The following NCKAP1 variants were observed in gnomAD, a reference collection of about 807,000 sequenced individuals.
NCKAP1 encodes NCK associated protein 1.
In NCKAP1, 21 loss-of-function variants were observed where a neutral mutation model predicts 151.2. The observed-to-expected ratio is 0.14, with a 90% CI of 0.10 to 0.20. NCKAP1 has a LOEUF of 0.20. Among genes scored for constraint, NCKAP1 ranks in the 10% least tolerant of loss-of-function variants. The pLI, the probability that NCKAP1 is intolerant of heterozygous loss-of-function variation, is 1.00. For synonymous variants in NCKAP1, 484 were observed against 451.8 expected, an observed-to-expected ratio of 1.07 and a Z score of -0.90; for missense variants, 933 against 1,352.1, an observed-to-expected ratio of 0.69 and a Z score of 4.86.
chr2:182,956,782 G>A, intron 19 of NCKAP1, 189 bp from the exon 20 acceptor site: 1 of 522,996 alleles, frequency 1.9e-6, no homozygotes, highest in Non-Finnish European at 3.2e-6. Flanking sequence ...TCTAAAGATG[G>A]CGTCATTTGT....
At chr2:182,986,131 T>A in intron 10 of NCKAP1, 40 bp downstream of exon 10, 1 of 1,586,630 alleles carries the variant, frequency 6.3e-7, no homozygotes. Context: ...TAAGAATTTT[T>A]CTTGATTAAA....
intron 6 of NCKAP1, among the ~76,000 whole-genome samples, chr2:182,996,650 G>T (rs1698275921): frequency 6.6e-6 from 1 of 152,166 alleles, no homozygotes; most frequent in Non-Finnish European, 1.5e-5. Context: ...TAGAGACGGG[G>T]TTTCACCGTG....
chr2:182,917,356 G>C lies in NCKAP1; in HGVS notation c.*8346C>G, dbSNP rs1481911393. On this transcript the variant is annotated 3_prime_UTR_variant, in exon 31 of 31. Coordinates refer to ENST00000361354, the MANE Select transcript of NCKAP1 (RefSeq NM_013436.5). ...GAAGACTATTACTGCATAAACATAA[G>C]ATCAGCATATATGCGGCAACACAGC... 6.6e-6 allele frequency: 1 copy of C among 152,134 alleles called. No individual in the cohort carries two copies. Among genetic ancestry groups the C allele is most frequent in the Non-Finnish European group, 1.5e-5 (1 of 68,032 alleles). The allele number at this position is 152,134 out of a possible 1,614,324, so 9.4% of individuals were successfully genotyped here. A position where few individuals can be genotyped will look rare whatever the true frequency, so the allele number is the denominator to read the frequency against.
intron 2 of NCKAP1, among the ~76,000 whole-genome samples, chr2:183,012,492 G>A (rs967258764): frequency 3.9e-5 from 6 of 152,164 alleles, no homozygotes; most frequent in Admixed American, 1.3e-4. Flanking sequence ...ACAAAGTGAG[G>A]TGGCATCACT....
At position 182,979,901 on chromosome 2, in the gene NCKAP1, G is replaced by T. The variant is rs967557326; in HGVS notation, c.1342-986C>A. 3.9e-5 allele frequency among the ~76,000 whole-genome samples: 6 copies of T among 152,088 alleles called. No individual in the cohort carries two copies. The South Asian group carries it at 1.2e-3, about 32-fold the overall frequency. On this transcript the variant is annotated intron_variant, in intron 13 of 30. Coordinates refer to ENST00000361354, the MANE Select transcript of NCKAP1 (RefSeq NM_013436.5). ...TCTCACAGAGGTTTTCTACAGATTT[G>T]GTAAGATACACTATCAATAAATCTG...
intron 8 of NCKAP1, 63 bp from the exon 9 acceptor site, chr2:182,989,249 G>A (rs1698119211): frequency 2.9e-6 from 4 of 1,382,848 alleles, no homozygotes; most frequent in Non-Finnish European, 3.9e-6. Context: ...TTTGGTGACA[G>A]TGTAGCTTTT....
At chr2:182,980,276 A>G (rs554075105) in intron 13 of NCKAP1, among the ~76,000 whole-genome samples, 2 of 152,164 alleles carry the variant, frequency 1.3e-5, no homozygotes, top group South Asian at 4.1e-4. Context: ...AGTTTAGAAT[A>G]CTAGCTTGTA....
intron 17 of NCKAP1, among the ~76,000 whole-genome samples, 174 bp downstream of exon 17, chr2:182,964,502 T>C (rs1022624061): frequency 6.6e-6 from 1 of 152,172 alleles, no homozygotes; most frequent in African/African-American, 2.4e-5. Context: ...TGTTTATTTA[T>C]CTATATATAT....
chr2:183,002,998 G>A lies in NCKAP1; in HGVS notation c.345C>T (p.Asp115=), dbSNP rs765697811. 4.4e-6 allele frequency: 7 copies of A among 1,608,442 alleles called. No homozygotes were observed. The highest frequency in any genetic ancestry group is 1.7e-5 in the Admixed American group (1 of 59,754). Residue 115 remains aspartate, a synonymous_variant, in exon 4 of 31, where the codon GAC becomes GAT. Transcript: ENST00000361354. Reference sequence around the variant, plus strand: ...CAATATCAAAGAAGACTTGGCAAACGTCAATAGTATTCAGCAATTCACAAA... The same window carrying A: ...CAATATCAAAGAAGACTTGGCAAACATCAATAGTATTCAGCAATTCACAAA... ...DHVCELLNTI[D]VCQVFFDITV...
At position 183,038,130 on chromosome 2, in the gene NCKAP1, C is replaced by G; in HGVS notation, c.-31G>C. 1 of 1,492,508 alleles carries G rather than the reference C, an allele frequency of 6.7e-7. No homozygotes were observed. 92.5% of individuals were successfully genotyped at this position (1,492,508 alleles called of 1,614,324 possible). On this transcript the variant is annotated 5_prime_UTR_variant, in exon 1 of 31. Transcript: ENST00000361354. ...TGCTGGTGCCGCCGCCGCCGCCGGCCGCCTCGCGCCCAGTCACGGGCCCGC... is the reference window on the plus strand; with the variant it reads ...TGCTGGTGCCGCCGCCGCCGCCGGCGGCCTCGCGCCCAGTCACGGGCCCGC...
intron 1 of NCKAP1, among the ~76,000 whole-genome samples, chr2:183,030,423 G>GA (rs1474525473): frequency 6.6e-6 from 1 of 152,036 alleles, no homozygotes; most frequent in East Asian, 1.9e-4. Flanking sequence ...ACAATAATTG[G>GA]AAAAATGCCA....
At chr2:183,005,578 T>C (rs1223708223) in intron 2 of NCKAP1, among the ~76,000 whole-genome samples, 1 of 152,092 alleles carries the variant, frequency 6.6e-6, no homozygotes, top group Non-Finnish European at 1.5e-5. Flanking sequence ...TAGGCTACAT[T>C]TCTCATTCAA....
chr2:182,923,434 G>C lies in NCKAP1; in HGVS notation c.*2268C>G, dbSNP rs1696583801. ...ATGATAGGTGTGCACCATCATACCT[G>C]GGTAATTTTTGTATTTTTAGTAGTG... On this transcript the variant is annotated 3_prime_UTR_variant, in exon 31 of 31. Coordinates refer to ENST00000361354, the MANE Select transcript of NCKAP1 (RefSeq NM_013436.5). 1 of 152,042 alleles carries C rather than the reference G, an allele frequency of 6.6e-6. No homozygotes were observed. The highest frequency in any genetic ancestry group is 6.6e-5 in the Admixed American group (1 of 15,260). The allele number at this position is 152,042 out of a possible 1,614,324, so 9.4% of individuals were successfully genotyped here. A position where few individuals can be genotyped will look rare whatever the true frequency, so the allele number is the denominator to read the frequency against.
chr2:183,029,285 C>T (rs1698959774), intron 1 of NCKAP1, among the ~76,000 whole-genome samples: 1 of 152,092 alleles, frequency 6.6e-6, no homozygotes, highest in African/African-American at 2.4e-5. Flanking sequence ...TTAGAAACAT[C>T]AAGCCTAGAC....
chr2:182,983,084 G>A (rs1263229146), intron 11 of NCKAP1, among the ~76,000 whole-genome samples, 157 bp from the exon 12 acceptor site: 2 of 152,178 alleles, frequency 1.3e-5, no homozygotes, highest in African/African-American at 4.8e-5. Context: ...CTGTAAGTAT[G>A]TATGAGAGAG....
At chr2:182,927,213 A>G (rs1449268719) in intron 29 of NCKAP1, 2 of 231,504 alleles carry the variant, frequency 8.6e-6, no homozygotes, top group Non-Finnish European at 8.3e-6. Context: ...CCATCCCATT[A>G]TCTATACTGA....
At chr2:182,976,406 T>G (rs1274450691) in intron 15 of NCKAP1, among the ~76,000 whole-genome samples, 1 of 152,224 alleles carries the variant, frequency 6.6e-6, no homozygotes, top group African/African-American at 2.4e-5. Context: ...TATAAATAGT[T>G]TTACTGGAAT....
chr2:182,957,966 T>C (rs1370018326), intron 18 of NCKAP1, among the ~76,000 whole-genome samples: 2 of 152,176 alleles, frequency 1.3e-5, no homozygotes, highest in Admixed American at 1.3e-4. Context: ...TGTAAAGATA[T>C]GATGGTTCAG....
At position 182,914,524 on chromosome 2, in the gene NCKAP1, C is replaced by T. The variant is rs1437997434; in HGVS notation, c.*11178G>A. ...AAAATTAAAAGAGGAAATGGAGATA[C>T]TCTAGTATGCAATTTATATGAAACC... is the stretch of plus-strand genomic sequence containing the variant. On this transcript the variant is annotated 3_prime_UTR_variant, in exon 31 of 31. Coordinates refer to ENST00000361354, the MANE Select transcript of NCKAP1 (RefSeq NM_013436.5). 6.6e-6 allele frequency: 1 copy of T among 152,124 alleles called. No individual in the cohort carries two copies. The highest frequency in any genetic ancestry group is 1.5e-5 in the Non-Finnish European group (1 of 68,008). The allele number at this position is 152,124 out of a possible 1,614,324, so 9.4% of individuals were successfully genotyped here.
Sources: gnomAD v4.1 joint callset for allele counts (sites outside exome capture counted in the v4.1 genomes callset) on GRCh38, gnomAD v4.1.1 for gene constraint, MANE v1.5 for transcripts, NCBI Gene and HGNC (gene_info 2026-07-23, HGNC 2026-07-21) for gene names.